Variants in NELL1 observed in about 807,000 individuals in gnomAD.
NELL1 encodes the protein neural EGFL like 1.
In NELL1, 76 loss-of-function variants were observed where a neutral mutation model predicts 107.4. That is an observed-to-expected ratio of 0.71 (90% confidence interval 0.59 to 0.86). NELL1 has a LOEUF of 0.86. Among genes scored for constraint, NELL1 ranks in the 40% least tolerant of loss-of-function variants. The pLI is 0.00. For missense variants in NELL1, 1,024 were observed against 1,005.5 expected, an observed-to-expected ratio of 1.02 and a Z score of -0.25; for synonymous variants, 353 against 341.2, an observed-to-expected ratio of 1.03 and a Z score of -0.38.
At chr11:21,420,880 C>T (rs569530458) in intron 15 of NELL1, among the ~76,000 whole-genome samples, 49 of 152,150 alleles carry the variant, frequency 3.2e-4, no homozygotes, top group Middle Eastern at 3.4e-3. Flanking sequence ...TTGGAAAATT[C>T]CTCCCTGAGG....
At chr11:21,077,520 A>C (rs1965424) in intron 12 of NELL1, among the ~76,000 whole-genome samples, 54 of 152,154 alleles carry the variant, frequency 3.5e-4, no homozygotes, top group African/African-American at 1.3e-3. Flanking sequence ...AGGCAGGTGG[A>C]TCACTTGAGG....
chr11:20,957,480 C>CA (rs796257041), intron 11 of NELL1, among the ~76,000 whole-genome samples: 77 of 152,056 alleles, frequency 5.1e-4, no homozygotes, highest in Middle Eastern at 6.8e-3. Context: ...CATTAAATTC[C>CA]AAAAAATACG....
intron 15 of NELL1, among the ~76,000 whole-genome samples, chr11:21,428,394 GA>G (rs1185621655): frequency 2.0e-5 from 3 of 152,074 alleles, no homozygotes; most frequent in Admixed American, 6.5e-5. Context: ...TCATAACTCT[GA>G]AATCATAAAT....
chr11:20,781,370 G>A (rs1011041423), intron 2 of NELL1, among the ~76,000 whole-genome samples: 2 of 152,176 alleles, frequency 1.3e-5, no homozygotes, highest in African/African-American at 4.8e-5. Context: ...TGAAATGCTT[G>A]AAGGTGAACG....
chr11:21,562,849 G>T (rs1352809278), intron 17 of NELL1, among the ~76,000 whole-genome samples: 1 of 152,006 alleles, frequency 6.6e-6, no homozygotes, highest in Non-Finnish European at 1.5e-5. Flanking sequence ...ATTTTTAAAA[G>T]GCTACTTTCC....
chr11:20,763,330 A>G (rs906780024), intron 2 of NELL1, among the ~76,000 whole-genome samples: 9 of 152,290 alleles, frequency 5.9e-5, no homozygotes, highest in Middle Eastern at 3.4e-3. Flanking sequence ...GCACTCAGGC[A>G]TGGAGGAAAG....
chr11:20,678,738 A>C (rs79775892), intron 2 of NELL1, among the ~76,000 whole-genome samples: 4,107 of 152,244 alleles, frequency 0.027, 194 homozygotes, highest in African/African-American at 0.094. Context: ...AGGGATGGAA[A>C]GGCAGAAAAA....
At chr11:20,919,131 G>T (rs1039359039) in intron 6 of NELL1, 121 bp from the exon 7 acceptor site, 3 of 473,808 alleles carry the variant, frequency 6.3e-6, no homozygotes, top group Non-Finnish European at 7.4e-6. Flanking sequence ...AAATTTCAAA[G>T]CAATGTCAAC....
intron 13 of NELL1, among the ~76,000 whole-genome samples, chr11:21,161,841 A>G (rs1286220633): frequency 6.6e-6 from 1 of 151,250 alleles, no homozygotes; most frequent in Non-Finnish European, 1.5e-5. Flanking sequence ...TTAAATTTGG[A>G]TTAACCCCAT....
chr11:21,070,555 T>C lies in NELL1; in HGVS notation c.1301-43034T>C, dbSNP rs534327672. 8.5e-5 allele frequency among the ~76,000 whole-genome samples: 13 copies of C among 152,232 alleles called. No individual in the cohort carries two copies. In the South Asian group the frequency reaches 2.7e-3, roughly 32 times the overall value. ...TGCTACTGAAATTGAACAATATTTTTCCTAATTTGCAAAAAAATACATTAA... is the reference window on the plus strand; with the variant it reads ...TGCTACTGAAATTGAACAATATTTTCCCTAATTTGCAAAAAAATACATTAA... On this transcript the variant is annotated intron_variant, in intron 12 of 19. Coordinates refer to ENST00000357134, the MANE Select transcript of NELL1 (RefSeq NM_006157.5).
At chr11:21,205,022 G>A (rs1296155137) in intron 13 of NELL1, among the ~76,000 whole-genome samples, 2 of 152,148 alleles carry the variant, frequency 1.3e-5, no homozygotes, top group Non-Finnish European at 2.9e-5. Flanking sequence ...GCCAGCCAGA[G>A]ATCTCCTGTA....
chr11:20,738,042 G>T lies in NELL1; in HGVS notation c.185-45638G>T, dbSNP rs1236179163. Among the ~76,000 whole-genome samples the T allele has an allele frequency of 3.9e-5, 4 of 102,426 alleles. No individual in the cohort carries two copies. In the Admixed American group the frequency reaches 5.2e-4, roughly 13 times the overall value. 67.2% of individuals were successfully genotyped at this position (102,426 alleles called of 152,430 possible). On this transcript the variant is annotated intron_variant, in intron 2 of 19. Coordinates refer to ENST00000357134, the MANE Select transcript of NELL1 (RefSeq NM_006157.5). The stretch of plus-strand genomic sequence containing the variant: ...TTGGTATAGTATTCGTTAAGTAAAC[G>T]AAGTAGTGAAAAACACCCAGAATCA...
At chr11:21,294,995 T>C (rs1849344474) in intron 14 of NELL1, among the ~76,000 whole-genome samples, 1 of 152,160 alleles carries the variant, frequency 6.6e-6, no homozygotes, top group Non-Finnish European at 1.5e-5. Context: ...CCACATCTTC[T>C]GATTTCAGAT....
intron 15 of NELL1, among the ~76,000 whole-genome samples, chr11:21,396,873 C>T (rs1590897754): frequency 6.6e-6 from 1 of 151,440 alleles, no homozygotes; most frequent in African/African-American, 2.4e-5. Context: ...TGAGACTGTA[C>T]GTAACACTGT....
chr11:20,746,624 C>T (rs1473621901), intron 2 of NELL1, among the ~76,000 whole-genome samples: 1 of 151,358 alleles, frequency 6.6e-6, no homozygotes, highest in Non-Finnish European at 1.5e-5. Context: ...TTGAACATTG[C>T]CCTTTTCTCA....
intron 14 of NELL1, among the ~76,000 whole-genome samples, chr11:21,265,841 T>C (rs1848623404): frequency 6.6e-6 from 1 of 152,066 alleles, no homozygotes; most frequent in Non-Finnish European, 1.5e-5. Flanking sequence ...AATGTCTGTG[T>C]ACCACGCTAA....
At chr11:21,371,448 A>T (rs554954616) in intron 15 of NELL1, among the ~76,000 whole-genome samples, 1 of 152,194 alleles carries the variant, frequency 6.6e-6, no homozygotes, top group South Asian at 2.1e-4. Flanking sequence ...CATAGACCTG[A>T]TAATATAAGC....
intron 14 of NELL1, among the ~76,000 whole-genome samples, chr11:21,326,082 G>GTTTTTTTTTTT (rs1850131682): frequency 2.4e-5 from 1 of 41,042 alleles, no homozygotes. Flanking sequence ...TTTTTTTTTT[G>GTTTTTTTTTTT]GGCTATTTTG....
At chr11:21,486,810 AATC>A (rs1240233083) in intron 15 of NELL1, among the ~76,000 whole-genome samples, 1 of 152,128 alleles carries the variant, frequency 6.6e-6, no homozygotes, top group African/African-American at 2.4e-5. Flanking sequence ...GAACTGAAGA[AATC>A]ATTGAATGAA....
Sources: gnomAD v4.1 joint callset for allele counts (sites outside exome capture counted in the v4.1 genomes callset) on GRCh38, gnomAD v4.1.1 for gene constraint, MANE v1.5 for transcripts, NCBI Gene and HGNC (gene_info 2026-07-23, HGNC 2026-07-21) for gene names.